Variants in RNF130 observed in about 807,000 individuals in gnomAD.
The protein encoded by RNF130 is ring finger protein 130.
Under a neutral mutation model 44.6 loss-of-function variants are expected in RNF130, and 21 were observed. The ratio of observed to expected loss-of-function variants is 0.47; its 90% confidence interval spans 0.33 to 0.68. The LOEUF is 0.68. Among genes scored for constraint, RNF130 ranks in the 30% least tolerant of loss-of-function variants. The pLI, the probability that RNF130 is intolerant of heterozygous loss-of-function variation, is 0.02. For synonymous variants in RNF130, 214 were observed against 210.4 expected (o/e 1.02, Z -0.15); for missense variants, 479 against 560.6 (o/e 0.85, Z 1.47).
intron 1 of RNF130, among the ~76,000 whole-genome samples, chr5:180,060,761 GA>G (rs1177875266): frequency 6.6e-6 from 1 of 152,168 alleles, no homozygotes; most frequent in African/African-American, 2.4e-5. Context: ...AAAAGGCTAA[GA>G]ACCACTAACC....
intron 1 of RNF130, among the ~76,000 whole-genome samples, chr5:180,059,271 T>C (rs1290067866): frequency 6.6e-6 from 1 of 152,228 alleles, no homozygotes; most frequent in Non-Finnish European, 1.5e-5. Flanking sequence ...ACATCATTTC[T>C]TCAGGGACGC....
chr5:180,003,556 T>C (rs1429542353), intron 3 of RNF130, among the ~76,000 whole-genome samples: 2 of 152,248 alleles, frequency 1.3e-5, no homozygotes, highest in African/African-American at 4.8e-5. Context: ...TTCTTCTGAA[T>C]TATCCTTTGA....
intron 2 of RNF130, among the ~76,000 whole-genome samples, chr5:180,020,120 C>T (rs1360600339): frequency 3.9e-5 from 6 of 152,068 alleles, no homozygotes; most frequent in Admixed American, 6.5e-5. Flanking sequence ...GTTTGCAACT[C>T]GAGATGTAAC....
intron 2 of RNF130, among the ~76,000 whole-genome samples, chr5:180,036,096 T>A (rs1207993062): frequency 6.6e-6 from 1 of 152,228 alleles, no homozygotes; most frequent in Admixed American, 6.5e-5. Context: ...TGTCTTATAA[T>A]CTGTTGAAAA....
intron 3 of RNF130, among the ~76,000 whole-genome samples, chr5:179,983,317 G>C (rs1350191534): frequency 6.9e-6 from 1 of 144,618 alleles, no homozygotes; most frequent in Non-Finnish European, 1.5e-5. Flanking sequence ...TGTGTATTCT[G>C]TCAGGTACAG....
intron 3 of RNF130, 81 bp from the exon 4 acceptor site, chr5:179,980,281 T>C (rs1054671524): frequency 6.1e-6 from 8 of 1,307,714 alleles, no homozygotes; most frequent in Non-Finnish European, 7.7e-6. Context: ...ATTAAAAGTA[T>C]AAAGTCTCTA....
Position 179,980,146 on chromosome 5 carries a change from C to G in RNF130, c.748G>C (p.Val250Leu). 1 of 1,614,082 alleles carries G rather than the reference C, an allele frequency of 6.2e-7. No homozygotes were observed. Among genetic ancestry groups the G allele is most frequent in the African/African-American group, 1.3e-5 (1 of 75,058 alleles). ...KAISKLTTRT[V>L]KKGDKETDPD... The stretch of plus-strand genomic sequence containing the variant: ...GACTGTACCTTGTCACCCTTCTTTA[C>G]TGTCCTGGTTGTCAATTTACTGATG... Residue 250 changes from valine (V) to leucine (L), a missense_variant, in exon 4 of 9, where the codon GTA becomes CTA. By Grantham distance (32) the Val-to-Leu change is conservative. This residue lies in a region of RNF130 where 180 missense variants were observed against 275.1 expected (regional missense o/e 0.65). Coordinates refer to ENST00000521389, the MANE Select transcript of RNF130 (RefSeq NM_018434.6).
intron 7 of RNF130, among the ~76,000 whole-genome samples, chr5:179,939,169 G>A (rs1246558941): frequency 6.6e-6 from 1 of 151,934 alleles, no homozygotes; most frequent in African/African-American, 2.4e-5. Context: ...GTGAGCTGAG[G>A]TCGCGCCACT....
At chr5:180,020,633 A>G (rs912669405) in intron 2 of RNF130, among the ~76,000 whole-genome samples, 4 of 152,178 alleles carry the variant, frequency 2.6e-5, no homozygotes, top group Non-Finnish European at 5.9e-5. Flanking sequence ...GAAGTTCTTC[A>G]ATCACATACA....
At chr5:179,946,776 G>A (rs1348015570) in intron 7 of RNF130, among the ~76,000 whole-genome samples, 1 of 152,206 alleles carries the variant, frequency 6.6e-6, no homozygotes, top group East Asian at 1.9e-4. Context: ...GGATGGTCTC[G>A]ATCTCCTGAC....
At chr5:179,933,570 G>A (rs764530194) in intron 7 of RNF130, among the ~76,000 whole-genome samples, 6 of 149,748 alleles carry the variant, frequency 4.0e-5, no homozygotes, top group Non-Finnish European at 7.4e-5. Flanking sequence ...TGCCCAGGCT[G>A]GAGTGCAGTG....
chr5:179,943,049 G>T (rs1403056964), intron 7 of RNF130, among the ~76,000 whole-genome samples: 1 of 152,196 alleles, frequency 6.6e-6, no homozygotes, highest in Non-Finnish European at 1.5e-5. Flanking sequence ...ACAAAAATTA[G>T]TTGGGCGTGG....
chr5:179,947,471 G>A (rs1041657288), intron 7 of RNF130, among the ~76,000 whole-genome samples: 1 of 152,190 alleles, frequency 6.6e-6, no homozygotes, highest in Non-Finnish European at 1.5e-5. Context: ...CTGACACTTG[G>A]TGAGCTTCTC....
intron 1 of RNF130, among the ~76,000 whole-genome samples, chr5:180,051,018 G>T (rs1404262010): frequency 6.6e-6 from 1 of 151,994 alleles, no homozygotes; most frequent in Non-Finnish European, 1.5e-5. Flanking sequence ...GCCCAGGCTG[G>T]TCTCGAACTC....
intron 2 of RNF130, among the ~76,000 whole-genome samples, chr5:180,023,968 T>C (rs1011915787): frequency 1.3e-5 from 2 of 152,250 alleles, no homozygotes; most frequent in African/African-American, 4.8e-5. Flanking sequence ...TTCACACTGA[T>C]AGCACATAAA....
chr5:180,040,407 AT>A, intron 2 of RNF130, 45 bp downstream of exon 2: 2 of 1,558,960 alleles, frequency 1.3e-6, no homozygotes, highest in Non-Finnish European at 1.8e-6. Flanking sequence ...TAAAGCAATG[AT>A]TTCTAAGAAG....
At chr5:180,006,580 C>T (rs1763467282) in intron 3 of RNF130, among the ~76,000 whole-genome samples, 1 of 152,158 alleles carries the variant, frequency 6.6e-6, no homozygotes, top group Non-Finnish European at 1.5e-5. Flanking sequence ...TGCATTTTCA[C>T]TGGGAAGTTT....
intron 3 of RNF130, among the ~76,000 whole-genome samples, chr5:179,995,356 G>A (rs1236659711): frequency 6.6e-6 from 1 of 152,160 alleles, no homozygotes; most frequent in Non-Finnish European, 1.5e-5. Flanking sequence ...CATGATGGGG[G>A]TGCAGGGGTC....
At chr5:180,052,626 A>G (rs1283617448) in intron 1 of RNF130, among the ~76,000 whole-genome samples, 1 of 152,240 alleles carries the variant, frequency 6.6e-6, no homozygotes, top group African/African-American at 2.4e-5. Context: ...TATCTGGACC[A>G]TAATTTAAAA....
Sources: gnomAD v4.1 joint callset for allele counts (sites outside exome capture counted in the v4.1 genomes callset) on GRCh38, gnomAD v4.1.1 for gene constraint, gnomAD v4.1.1 regional missense constraint, MANE v1.5 for transcripts, NCBI Gene and HGNC (gene_info 2026-07-23, HGNC 2026-07-21) for gene names.